The following SPMIP7 variants were observed in gnomAD, a reference collection of about 807,000 sequenced individuals.
SPMIP7 encodes protein SPMIP7.
the SPMIP7 span, among the ~76,000 whole-genome samples, chr7:50,101,083 C>G: frequency 1.3e-5 from 2 of 152,096 alleles, no homozygotes; most frequent in Non-Finnish European, 2.9e-5. Flanking sequence ...AAAAGTGATC[C>G]TCAGCAATTC....
the SPMIP7 span, among the ~76,000 whole-genome samples, chr7:50,136,464 G>A: frequency 4.5e-5 from 2 of 44,936 alleles, no homozygotes; most frequent in East Asian, 2.7e-3. Context: ...CCAGGAGGCA[G>A]AGATGCAGTG....
the SPMIP7 span, among the ~76,000 whole-genome samples, chr7:50,125,287 CAT>C: frequency 4.4e-5 from 4 of 91,772 alleles, no homozygotes; most frequent in African/African-American, 1.1e-4. Context: ...CATATATACA[CAT>C]ATATATACAC....
At chr7:50,149,410 T>C in the SPMIP7 span, among the ~76,000 whole-genome samples, 1 of 152,222 alleles carries the variant, frequency 6.6e-6, no homozygotes, top group Non-Finnish European at 1.5e-5. Context: ...TGAAGTCTCC[T>C]CTAATCCCCA....
At chr7:50,132,268 T>C in the SPMIP7 span, among the ~76,000 whole-genome samples, 1 of 152,262 alleles carries the variant, frequency 6.6e-6, no homozygotes, top group South Asian at 2.1e-4. Flanking sequence ...CTTTTTCACC[T>C]CAATTTTCTC....
At chr7:50,138,597 C>T in the SPMIP7 span, among the ~76,000 whole-genome samples, 3 of 152,008 alleles carry the variant, frequency 2.0e-5, no homozygotes, top group Non-Finnish European at 4.4e-5. Flanking sequence ...TTACCTAATC[C>T]AAATTAAATT....
chr7:50,154,431 T>G, the SPMIP7 span, among the ~76,000 whole-genome samples: 1 of 152,234 alleles, frequency 6.6e-6, no homozygotes, highest in Non-Finnish European at 1.5e-5. Context: ...CACTGTTCTA[T>G]TCACTATCTC....
At chr7:50,102,996 A>G in the SPMIP7 span, among the ~76,000 whole-genome samples, 1 of 147,926 alleles carries the variant, frequency 6.8e-6, no homozygotes, top group Admixed American at 6.8e-5. Context: ...ACTTGTAAGT[A>G]TATATTATAT....
At chr7:50,137,204 C>G in the SPMIP7 span, among the ~76,000 whole-genome samples, 3 of 151,816 alleles carry the variant, frequency 2.0e-5, no homozygotes, top group African/African-American at 7.3e-5. Flanking sequence ...GGAAGTAATA[C>G]TAATAAAGTC....
At chr7:50,143,487 G>A in the SPMIP7 span, among the ~76,000 whole-genome samples, 11 of 152,048 alleles carry the variant, frequency 7.2e-5, no homozygotes, top group South Asian at 2.1e-4. Context: ...TTTCAGGCAA[G>A]GGTCAAGGCC....
the SPMIP7 span, among the ~76,000 whole-genome samples, chr7:50,119,692 C>T: frequency 2.0e-5 from 3 of 152,166 alleles, no homozygotes; most frequent in African/African-American, 7.2e-5. Context: ...ATACTCTGAC[C>T]TTTCCAGTTA....
chr7:50,126,249 T>G, the SPMIP7 span, among the ~76,000 whole-genome samples: 1 of 151,972 alleles, frequency 6.6e-6, no homozygotes, highest in East Asian at 1.9e-4. Flanking sequence ...TAAAAAAAGA[T>G]AAAGGAATAT....
At chr7:50,113,375 A>C in the SPMIP7 span, among the ~76,000 whole-genome samples, 1 of 152,194 alleles carries the variant, frequency 6.6e-6, no homozygotes, top group Non-Finnish European at 1.5e-5. Context: ...CAATAATAAC[A>C]GATCTATGAG....
chr7:50,114,752 G>T, the SPMIP7 span, among the ~76,000 whole-genome samples: 7 of 152,080 alleles, frequency 4.6e-5, no homozygotes, highest in African/African-American at 1.4e-4. Flanking sequence ...AGACCCAGCC[G>T]GGTGAGGTGG....
chr7:50,108,600 G>A, the SPMIP7 span, among the ~76,000 whole-genome samples: 3 of 152,076 alleles, frequency 2.0e-5, no homozygotes, highest in African/African-American at 7.2e-5. Flanking sequence ...TTGTCTCTTT[G>A]ATAAAGGGCA....
chr7:50,102,925 G>C, the SPMIP7 span, among the ~76,000 whole-genome samples: 1 of 149,896 alleles, frequency 6.7e-6, no homozygotes, highest in Non-Finnish European at 1.5e-5. Flanking sequence ...AACTCATGAA[G>C]GTCACTCTGG....
the SPMIP7 span, among the ~76,000 whole-genome samples, chr7:50,125,460 A>T: frequency 1.3e-5 from 2 of 149,760 alleles, no homozygotes; most frequent in Non-Finnish European, 3.0e-5. Flanking sequence ...AAGGAAGAAA[A>T]TTTAAAAATG....
At chr7:50,148,929 A>C in the SPMIP7 span, among the ~76,000 whole-genome samples, 1 of 152,078 alleles carries the variant, frequency 6.6e-6, no homozygotes, top group African/African-American at 2.4e-5. Context: ...GGTGGATCAC[A>C]AGGTCAGGAG....
the SPMIP7 span, among the ~76,000 whole-genome samples, chr7:50,131,686 G>C: frequency 6.6e-6 from 1 of 152,138 alleles, no homozygotes; most frequent in East Asian, 1.9e-4. Flanking sequence ...GTCCTGGAAG[G>C]CAGATTGAGG....
the SPMIP7 span, among the ~76,000 whole-genome samples, chr7:50,111,603 C>T: frequency 9.9e-5 from 15 of 152,234 alleles, no homozygotes; most frequent in Admixed American, 3.3e-4. Flanking sequence ...ATGCAAACTT[C>T]GAGCATACTT....
Sources: gnomAD v4.1 joint callset for allele counts (sites outside exome capture counted in the v4.1 genomes callset) on GRCh38, gnomAD v4.1.1 for gene constraint, MANE v1.5 for transcripts, NCBI Gene and HGNC (gene_info 2026-07-23, HGNC 2026-07-21) for gene names.